MACROD2: variants seen among roughly 807,000 people sequenced by gnomAD.
MACROD2 encodes mono-ADP ribosylhydrolase 2.
A neutral mutation model predicts 70.4 loss-of-function variants in MACROD2; 36 were observed. The observed-to-expected ratio is 0.51, with a 90% CI of 0.39 to 0.68. The LOEUF (loss-of-function observed/expected upper bound fraction) is 0.68, where lower values mean the gene tolerates loss of function less well. MACROD2 is among the 30% of genes least tolerant of loss of function. The pLI is 0.00. For synonymous variants in MACROD2, 172 were observed against 178.8 expected (o/e 0.96, Z 0.30); for missense variants, 496 against 538.4 (o/e 0.92, Z 0.78).
chr20:15,733,740 A>G (rs2050979202), intron 8 of MACROD2, among the ~76,000 whole-genome samples: 1 of 152,164 alleles, frequency 6.6e-6, no homozygotes, highest in Non-Finnish European at 1.5e-5. Flanking sequence ...ATACAAACAC[A>G]CTAATAAATA....
intron 5 of MACROD2, among the ~76,000 whole-genome samples, chr20:15,098,339 C>T (rs2075848763): frequency 6.6e-6 from 1 of 152,164 alleles, no homozygotes; most frequent in Non-Finnish European, 1.5e-5. Context: ...CAACCTTTCT[C>T]ACCTGAATTT....
chr20:14,962,734 C>T (rs2074595881), intron 5 of MACROD2, among the ~76,000 whole-genome samples: 1 of 149,960 alleles, frequency 6.7e-6, no homozygotes, highest in Non-Finnish European at 1.5e-5. Context: ...TTATTCTAAC[C>T]TTTCTTTCTT....
chr20:15,479,833 G>A (rs2047073062), intron 7 of MACROD2, among the ~76,000 whole-genome samples: 1 of 152,164 alleles, frequency 6.6e-6, no homozygotes, highest in East Asian at 1.9e-4. Flanking sequence ...GCTCTTGAAT[G>A]GTGTTTGAGT....
intron 6 of MACROD2, among the ~76,000 whole-genome samples, chr20:15,285,708 T>C (rs982031573): frequency 2.0e-5 from 3 of 152,156 alleles, no homozygotes; most frequent in African/African-American, 7.2e-5. Flanking sequence ...AGCCAAAGAC[T>C]AAATATCCTT....
chr20:15,555,843 AAAAAAAAAAAAG>A (rs1293260678), intron 8 of MACROD2, among the ~76,000 whole-genome samples: 2 of 146,622 alleles, frequency 1.4e-5, no homozygotes, highest in African/African-American at 5.2e-5. Flanking sequence ...AAAAAAAAAA[AAAAAAAAAAAAG>A]GAAAAGAAAA....
chr20:15,906,255 C>T (rs1187280419), intron 10 of MACROD2, among the ~76,000 whole-genome samples: 1 of 152,212 alleles, frequency 6.6e-6, no homozygotes, highest in Non-Finnish European at 1.5e-5. Context: ...CCTAGCCCAA[C>T]CCTTCACCAA....
At chr20:14,900,000 G>A (rs909040866) in intron 5 of MACROD2, among the ~76,000 whole-genome samples, 7 of 152,084 alleles carry the variant, frequency 4.6e-5, no homozygotes, top group African/African-American at 1.7e-4. Flanking sequence ...AAATATTCCT[G>A]GTTGAATATT....
rs75876895 is a variant in MACROD2, at chr20:15,041,254, C to T, written c.419-188686C>T. On this transcript the variant is annotated intron_variant, in intron 5 of 17. Coordinates refer to ENST00000684519, the MANE Select transcript of MACROD2 (RefSeq NM_001351661.2). ...ACAAATTTTTGTTTGTAATACAGTTCCCAGTCATTGGAAGGGGACATCTCT... is the reference window on the plus strand; with the variant it reads ...ACAAATTTTTGTTTGTAATACAGTTTCCAGTCATTGGAAGGGGACATCTCT... Among the ~76,000 whole-genome samples the T allele has an allele frequency of 2.2e-4, 34 of 152,154 alleles. No homozygotes were observed. The East Asian group carries it at 6.2e-3, about 28-fold the overall frequency.
intron 5 of MACROD2, among the ~76,000 whole-genome samples, chr20:14,986,620 A>C (rs538171997): frequency 4.8e-4 from 73 of 152,338 alleles, no homozygotes; most frequent in Admixed American, 4.4e-3. Context: ...AAGCTCTGAT[A>C]AACTTTTGAA....
chr20:14,573,736 A>C (rs1326415823), intron 4 of MACROD2, among the ~76,000 whole-genome samples: 1 of 152,182 alleles, frequency 6.6e-6, no homozygotes, highest in East Asian at 1.9e-4. Flanking sequence ...CTGTTGAAAA[A>C]GTCACAAAAC....
intron 6 of MACROD2, among the ~76,000 whole-genome samples, chr20:15,232,835 A>G (rs1337636476): frequency 6.6e-6 from 1 of 152,114 alleles, no homozygotes; most frequent in African/African-American, 2.4e-5. Context: ...GGATCACAGC[A>G]CAGGATCCAA....
At chr20:15,204,919 A>G (rs16995433) in intron 5 of MACROD2, among the ~76,000 whole-genome samples, 1,769 of 152,210 alleles carry the variant, frequency 0.012, 26 homozygotes, top group African/African-American at 0.039. Flanking sequence ...GAGTTGCCAA[A>G]CACCCTATCA....
intron 8 of MACROD2, among the ~76,000 whole-genome samples, chr20:15,559,318 G>T (rs2048212126): frequency 6.6e-6 from 1 of 151,326 alleles, no homozygotes. Context: ...GATAACAAGA[G>T]TGAATAAAAT....
chr20:15,967,538 C>G lies in MACROD2; in HGVS notation c.908-15C>G. 1 of 1,605,658 alleles carries G rather than the reference C, an allele frequency of 6.2e-7. No homozygotes were observed. On this transcript the variant is annotated splice_polypyrimidine_tract_variant and intron_variant, in intron 12 of 17. Coordinates refer to ENST00000684519, the MANE Select transcript of MACROD2 (RefSeq NM_001351661.2). ...TTAAAAATGCTGACCAAAGGTTTTG[C>G]TTGTTTGTTGTTAGATTTTGCAAAG...
At chr20:15,201,284 C>G (rs1347980842) in intron 5 of MACROD2, among the ~76,000 whole-genome samples, 1 of 151,930 alleles carries the variant, frequency 6.6e-6, no homozygotes, top group Non-Finnish European at 1.5e-5. Flanking sequence ...ATGAGTGCCC[C>G]CCTCCCCAGA....
intron 8 of MACROD2, among the ~76,000 whole-genome samples, chr20:15,598,404 T>C (rs964201770): frequency 5.3e-5 from 8 of 152,146 alleles, no homozygotes; most frequent in African/African-American, 1.9e-4. Context: ...CAAAATTAAG[T>C]TGCTTTGTTC....
chr20:15,235,012 A>G (rs562148596), intron 6 of MACROD2, among the ~76,000 whole-genome samples: 3 of 152,284 alleles, frequency 2.0e-5, no homozygotes, highest in East Asian at 3.9e-4. Flanking sequence ...CATGTCATAC[A>G]AAAAGTATCA....
intron 1 of MACROD2, among the ~76,000 whole-genome samples, chr20:13,997,330 T>C (rs1264926374): frequency 6.6e-6 from 1 of 152,224 alleles, no homozygotes; most frequent in African/African-American, 2.4e-5. Context: ...TTCAACACAC[T>C]TTCAACAAGG....
chr20:15,878,528 T>C (rs1451643751), intron 9 of MACROD2, among the ~76,000 whole-genome samples: 1 of 152,098 alleles, frequency 6.6e-6, no homozygotes, highest in Non-Finnish European at 1.5e-5. Flanking sequence ...TAAATAAAGT[T>C]CTACGGGGTT....
Sources: allele counts gnomAD v4.1 joint callset (sites outside exome capture counted in the v4.1 genomes callset), GRCh38; gene constraint gnomAD v4.1.1; transcripts MANE v1.5; gene names NCBI Gene and HGNC (gene_info 2026-07-23, HGNC 2026-07-21).